FAM171A1: variants seen among roughly 807,000 people sequenced by gnomAD.
The protein encoded by FAM171A1 is family with sequence similarity 171 member A1, also known as protein FAM171A1.
Under a neutral mutation model 74.9 loss-of-function variants are expected in FAM171A1, and 23 were observed. The ratio of observed to expected loss-of-function variants is 0.31; its 90% CI spans 0.22 to 0.44. The LOEUF is 0.44. Among genes scored for constraint, FAM171A1 ranks in the 20% least tolerant of loss-of-function variants. The pLI is 1.00. For synonymous variants in FAM171A1, 527 were observed against 505.7 expected (o/e 1.04, Z -0.57); for missense variants, 1,162 against 1,159.2 (o/e 1.00, Z -0.03).
chr10:15,339,524 T>A (rs550953866), intron 1 of FAM171A1, among the ~76,000 whole-genome samples: 5 of 152,166 alleles, frequency 3.3e-5, no homozygotes, highest in African/African-American at 9.6e-5. Context: ...TGTTTATGAT[T>A]TGACATCATG....
At position 15,214,232 on chromosome 10, in the gene FAM171A1, C is replaced by G. The variant is rs767191438; in HGVS notation, c.1356G>C (p.Thr452=). ...CTGACTTATGGTAGTCTTTCCCCAG[C>G]GTCCCACTTGGAGTGAGGTTATCAA... The part of the protein sequence containing the change: ...ISFDNLTPSG[T]LGKDYHKSVE... The change falls in exon 8 of 8, where the codon ACG becomes ACC. Residue 452 remains threonine (T), a synonymous_variant. Transcript: ENST00000378116. 6.2e-7 allele frequency: 1 copy of G among 1,614,050 alleles called. No individual in the cohort carries two copies. Among genetic ancestry groups the G allele is most frequent in the African/African-American group, 1.3e-5 (1 of 74,936 alleles).
chr10:15,355,718 A>T (rs987484), intron 1 of FAM171A1, among the ~76,000 whole-genome samples: 71,785 of 151,670 alleles, frequency 0.47, 17,367 homozygotes, highest in East Asian at 0.79. Context: ...CCATCTCAAA[A>T]AATAATAATA....
intron 1 of FAM171A1, among the ~76,000 whole-genome samples, chr10:15,347,897 G>A (rs965415279): frequency 6.7e-6 from 1 of 150,104 alleles, no homozygotes; most frequent in Non-Finnish European, 1.5e-5. Context: ...CCTTCCACAT[G>A]ATTTGCGTTC....
At chr10:15,341,420 C>T (rs1340023159) in intron 1 of FAM171A1, among the ~76,000 whole-genome samples, 2 of 152,174 alleles carry the variant, frequency 1.3e-5, no homozygotes, top group African/African-American at 4.8e-5. Flanking sequence ...ATAGAGGTTT[C>T]GTAATATACA....
chr10:15,240,284 C>G (rs1176164613), intron 5 of FAM171A1, among the ~76,000 whole-genome samples: 1 of 152,070 alleles, frequency 6.6e-6, no homozygotes, highest in Non-Finnish European at 1.5e-5. Context: ...TCACTTGAAC[C>G]CAGGAGGCAG....
intron 1 of FAM171A1, among the ~76,000 whole-genome samples, chr10:15,299,907 G>A (rs1411655846): frequency 6.6e-6 from 1 of 152,042 alleles, no homozygotes; most frequent in Admixed American, 6.6e-5. Flanking sequence ...GAACCCGGGA[G>A]GCAGAGCTTG....
chr10:15,276,007 T>G, intron 2 of FAM171A1, 60 bp from the exon 3 acceptor site: 1 of 1,237,054 alleles, frequency 8.1e-7, no homozygotes, highest in African/African-American at 1.5e-5. Context: ...GTGCCTACTC[T>G]AATTTTTGGG....
intron 3 of FAM171A1, among the ~76,000 whole-genome samples, chr10:15,264,242 A>G (rs1219528449): frequency 2.0e-5 from 3 of 152,230 alleles, no homozygotes; most frequent in Non-Finnish European, 2.9e-5. Flanking sequence ...TTGGCCTCCT[A>G]AAGCGCTGGG....
At chr10:15,296,568 C>T (rs992012472) in intron 1 of FAM171A1, among the ~76,000 whole-genome samples, 1 of 152,200 alleles carries the variant, frequency 6.6e-6, no homozygotes, top group South Asian at 2.1e-4. Context: ...AGAGAAAGGA[C>T]TGTGCAGGCA....
intron 2 of FAM171A1, among the ~76,000 whole-genome samples, chr10:15,279,573 G>A (rs1358865109): frequency 1.3e-5 from 2 of 152,210 alleles, no homozygotes; most frequent in Non-Finnish European, 2.9e-5. Flanking sequence ...ACCCAGGAAA[G>A]GCAGGAAGAT....
At chr10:15,360,133 A>G (rs1835976777) in intron 1 of FAM171A1, among the ~76,000 whole-genome samples, 1 of 152,118 alleles carries the variant, frequency 6.6e-6, no homozygotes, top group Admixed American at 6.5e-5. Context: ...AAGTCCTGCT[A>G]TGTTGCACAG....
intron 3 of FAM171A1, among the ~76,000 whole-genome samples, chr10:15,263,573 A>G (rs1339131915): frequency 6.6e-6 from 1 of 152,128 alleles, no homozygotes. Context: ...TTGTTGACCA[A>G]TTACTGAGGC....
At chr10:15,341,984 G>A (rs1835769828) in intron 1 of FAM171A1, among the ~76,000 whole-genome samples, 1 of 152,196 alleles carries the variant, frequency 6.6e-6, no homozygotes, top group African/African-American at 2.4e-5. Flanking sequence ...GAATCCCAGA[G>A]TTTATTACTG....
intron 3 of FAM171A1, among the ~76,000 whole-genome samples, chr10:15,263,237 G>A (rs1040873315): frequency 6.6e-6 from 1 of 152,258 alleles, no homozygotes; most frequent in African/African-American, 2.4e-5. Flanking sequence ...CCTCCTAGAG[G>A]CTCCGGGAGC....
chr10:15,284,946 A>G (rs1424591516), intron 1 of FAM171A1, among the ~76,000 whole-genome samples: 1 of 151,666 alleles, frequency 6.6e-6, no homozygotes, highest in Non-Finnish European at 1.5e-5. Context: ...AAAAAAAAAA[A>G]GCAAACGTTT....
rs534337541 is a variant in FAM171A1 at position 15,304,885 on chromosome 10, C to T, written c.98-20780G>A. Among the ~76,000 whole-genome samples the T allele has an allele frequency of 2.0e-5, 3 of 152,224 alleles. 1 individual carries two copies. Among genetic ancestry groups the T allele is most frequent in the Admixed American group, 2.0e-4 (3 of 15,276 alleles). Reference sequence around the variant, plus strand: ...CCAAGTAGCTGGGATTCCAGGCATGCGCCACCACGTCTGGCTAATTTTTGT... The same window carrying T: ...CCAAGTAGCTGGGATTCCAGGCATGTGCCACCACGTCTGGCTAATTTTTGT... On this transcript the variant is annotated intron_variant, in intron 1 of 7. Coordinates refer to ENST00000378116, the MANE Select transcript of FAM171A1 (RefSeq NM_001010924.2).
At chr10:15,222,007 T>C (rs1345612764) in intron 5 of FAM171A1, among the ~76,000 whole-genome samples, 3 of 152,172 alleles carry the variant, frequency 2.0e-5, no homozygotes, top group South Asian at 2.1e-4. Context: ...TGGATGCCTT[T>C]TCCTGGGCTC....
Position 15,214,423 on chromosome 10 carries a change from C to T in FAM171A1, c.1165G>A (p.Gly389Ser), listed in dbSNP as rs770682380. The T allele has an allele frequency of 2.2e-5, 36 of 1,613,920 alleles. No individual in the cohort carries two copies. The Admixed American group carries it at 3.2e-4, about 14-fold the overall frequency. ...ACTCCACTCATCAGTTCCTTCGTGC[C>T]GGGGGCCTCGGGGCGGCCGTGGCTG... ...VTSHGRPEAP[G>S]TKELMSGVHL... Residue 389 changes from glycine (G) to serine (S), a missense_variant, in exon 8 of 8, where the codon GGC becomes AGC. Transcript: ENST00000378116.
chr10:15,297,813 C>T (rs1280771818), intron 1 of FAM171A1, among the ~76,000 whole-genome samples: 2 of 152,174 alleles, frequency 1.3e-5, no homozygotes, highest in Admixed American at 1.3e-4. Context: ...GAAGTTCATT[C>T]TCTATTACTG....
Sources: allele counts gnomAD v4.1 joint callset (sites outside exome capture counted in the v4.1 genomes callset), GRCh38; gene constraint gnomAD v4.1.1; transcripts MANE v1.5; gene names NCBI Gene and HGNC (gene_info 2026-07-23, HGNC 2026-07-21).